The following SQSTM1 variants were observed in gnomAD, a reference collection of about 807,000 sequenced individuals.
SQSTM1 encodes the protein sequestosome 1.
Under a neutral mutation model 45.1 loss-of-function variants are expected in SQSTM1, and 36 were observed. That is an observed-to-expected ratio of 0.80 (90% CI 0.61 to 1.05). The LOEUF is 1.05. Ranked by LOEUF, SQSTM1 falls within the 50% of genes least tolerant of loss-of-function variation. The pLI is 0.00. For missense variants in SQSTM1, 617 were observed against 607.1 expected (o/e 1.02, Z -0.17); for synonymous variants, 290 against 244.3 (o/e 1.19, Z -1.74).
At chr5:179,819,414 G>C (rs528264758), upstream of SQSTM1, among the ~76,000 whole-genome samples, 1 of 149,874 alleles carries the variant, frequency 6.7e-6, no homozygotes, top group South Asian at 2.1e-4. Context: ...AAGCAAAGGA[G>C]CTCCTTCTTG....
intron 5 of SQSTM1, among the ~76,000 whole-genome samples, chr5:179,831,069 TAC>T (rs1474647189): frequency 6.6e-6 from 1 of 152,210 alleles, no homozygotes; most frequent in African/African-American, 2.4e-5. Flanking sequence ...CTTTCTGGTA[TAC>T]AGTCTTAATT....
upstream of SQSTM1, chr5:179,820,393 A>G (rs1029095446): frequency 3.1e-4 from 48 of 152,636 alleles, no homozygotes. Context: ...GCGCTGTAAG[A>G]GGGCTGCCAC....
intron 7 of SQSTM1, among the ~76,000 whole-genome samples, chr5:179,834,945 G>A (rs1341529776): frequency 5.9e-5 from 9 of 152,074 alleles, no homozygotes; most frequent in South Asian, 2.1e-4. Flanking sequence ...GGTGGTGGCC[G>A]GGCAGAGGGG....
In SQSTM1 at chr5:179,837,265, A is replaced by C; in HGVS notation, c.*672A>C. Reference sequence around the variant, plus strand: ...CAGCACTTTAACCAATGACGTTTGCATAGAGAGAAATGATTGACAGTAAGT... The same window carrying C: ...CAGCACTTTAACCAATGACGTTTGCCTAGAGAGAAATGATTGACAGTAAGT... On this transcript the variant is annotated 3_prime_UTR_variant, in exon 8 of 8. Coordinates refer to ENST00000389805, the MANE Select transcript of SQSTM1 (RefSeq NM_003900.5). 6.2e-7 allele frequency: 1 copy of C among 1,605,606 alleles called. No individual in the cohort carries two copies. Among genetic ancestry groups the C allele is most frequent in the Non-Finnish European group, 8.5e-7 (1 of 1,179,120 alleles).
intron 5 of SQSTM1, among the ~76,000 whole-genome samples, chr5:179,828,651 G>A (rs1314430464): frequency 1.3e-5 from 2 of 152,142 alleles, no homozygotes; most frequent in Non-Finnish European, 2.9e-5. Flanking sequence ...TGGGATTACA[G>A]GCGTGAGCCA....
Position 179,806,662 on chromosome 5 carries a change from A to C in SQSTM1, c.-157+71A>C, listed in dbSNP as rs1757174658. 2.9e-6 allele frequency: 2 copies of C among 685,020 alleles called. No individual in the cohort carries two copies. The highest frequency in any genetic ancestry group is 1.3e-4 in the South Asian group (2 of 15,522). 42.4% of individuals were successfully genotyped at this position (685,020 alleles called of 1,614,324 possible). On this transcript the variant is annotated intron_variant, in intron 1 of 5. Coordinates refer to the SQSTM1 transcript ENST00000514093. The surrounding 1 kb of genome is among the most constrained non-coding windows in gnomAD (Gnocchi z 4.6). ...ACCGGGGCCGGGGCGCAGGGGTCGG[A>C]AGGCGGCGGCGGCGGCGGCAGGGGC...
chr5:179,828,994 G>A (rs921518495), intron 5 of SQSTM1, among the ~76,000 whole-genome samples: 2 of 152,126 alleles, frequency 1.3e-5, no homozygotes, highest in Non-Finnish European at 2.9e-5. Context: ...CAGGTACCAG[G>A]AAAGGCAAGA....
At chr5:179,815,212 T>A (rs1445384405), upstream of SQSTM1, among the ~76,000 whole-genome samples, 1 of 150,956 alleles carries the variant, frequency 6.6e-6, no homozygotes, top group Non-Finnish European at 1.5e-5. Flanking sequence ...AGGCCAAGAG[T>A]TCAAGACCAG....
chr5:179,830,238 T>C (rs1452664456), intron 5 of SQSTM1, among the ~76,000 whole-genome samples: 1 of 152,218 alleles, frequency 6.6e-6, no homozygotes, highest in Non-Finnish European at 1.5e-5. Flanking sequence ...AAGCTTATCA[T>C]TGTCAAGTGT....
At chr5:179,834,981 C>T (rs1410859206) in intron 7 of SQSTM1, among the ~76,000 whole-genome samples, 9 of 151,576 alleles carry the variant, frequency 5.9e-5, no homozygotes, top group South Asian at 2.1e-4. Flanking sequence ...TAGGGGCGGC[C>T]GGGCAGAGGC....
chr5:179,815,409 T>A (rs1040863203), upstream of SQSTM1, among the ~76,000 whole-genome samples: 2 of 151,300 alleles, frequency 1.3e-5, no homozygotes, highest in Non-Finnish European at 2.9e-5. Context: ...AGAGCAAGAC[T>A]CTGTCTCGAA....
In SQSTM1 at chr5:179,823,395, C is replaced by T. The variant is rs964312857; in HGVS notation, c.301+342C>T. Among the ~76,000 whole-genome samples the T allele has an allele frequency of 7.4e-4, 87 of 116,928 alleles. 1 individual carries two copies. Among genetic ancestry groups the T allele is most frequent in the African/African-American group, 2.7e-3 (83 of 30,228 alleles). 76.7% of individuals were successfully genotyped at this position (116,928 alleles called of 152,430 possible). A position where few individuals can be genotyped will look rare whatever the true frequency, so the allele number is the denominator to read the frequency against. On this transcript the variant is annotated intron_variant, in intron 2 of 7. Transcript: ENST00000389805. ...ACGAGAATCACTTAAACCTGGAGAG[C>T]GGAGGTTGCCATGAGCCGAAATCAC...
intron 1 of SQSTM1, chr5:179,821,525 GT>G (rs755736109): frequency 2.0e-6 from 1 of 495,598 alleles, no homozygotes; most frequent in South Asian, 1.5e-5. Context: ...GGGCACTCGG[GT>G]TACACTGACA....
rs1452978477 is a variant in SQSTM1 at position 179,821,134 on chromosome 5, C to G, written c.198C>G (p.His66Gln). 7.4e-7 allele frequency: 1 copy of G among 1,355,478 alleles called. No individual in the cohort carries two copies. Among genetic ancestry groups the G allele is most frequent in the South Asian group, 1.8e-5 (1 of 56,350 alleles). The allele number at this position is 1,355,478 out of a possible 1,614,324, so 84.0% of individuals were successfully genotyped here. ...PALRPGGFQA[H>Q]YRDEDGDLVA... ...TGCGGCCTGGCGGCTTCCAGGCGCA[C>G]TACCGCGGTGAGCGGGCCGGGGAGC... The change falls in exon 1 of 8, where the codon CAC becomes CAG. Residue 66 changes from histidine (H) to glutamine (Q), a missense_variant. Coordinates refer to ENST00000389805, the MANE Select transcript of SQSTM1 (RefSeq NM_003900.5).
chr5:179,826,482 T>G (rs1410862463), intron 5 of SQSTM1, among the ~76,000 whole-genome samples: 1 of 152,022 alleles, frequency 6.6e-6, no homozygotes, highest in Non-Finnish European at 1.5e-5. Context: ...CATTCCACTT[T>G]GAGGCGGCAG....
In SQSTM1 at chr5:179,836,851, C is replaced by A. The variant is rs117531194; in HGVS notation, c.*258C>A. On this transcript the variant is annotated 3_prime_UTR_variant, in exon 8 of 8. Coordinates refer to ENST00000389805, the MANE Select transcript of SQSTM1 (RefSeq NM_003900.5). ...CTGCGAGACCCAAGGCTCACTGCAG[C>A]GCGCTCCTGACCCCTCCCTGCAGGG... is the stretch of plus-strand genomic sequence containing the variant. 1 of 639,922 alleles carries A rather than the reference C, an allele frequency of 1.6e-6. No individual in the cohort carries two copies. The highest frequency in any genetic ancestry group is 2.6e-5 in the Admixed American group (1 of 38,788). The allele number at this position is 639,922 out of a possible 1,614,324, so 39.6% of individuals were successfully genotyped here.
At chr5:179,811,730 TATTTATC>T (rs972415871) in intron 2 of SQSTM1, 1 of 152,122 alleles carries the variant, frequency 6.6e-6, no homozygotes, top group Non-Finnish European at 1.5e-5. Context: ...TTTCTAAGCC[TATTTATC>T]TTCGGACTTC....
chr5:179,818,349 C>T (rs767168298), upstream of SQSTM1, among the ~76,000 whole-genome samples: 2 of 152,206 alleles, frequency 1.3e-5, no homozygotes, highest in Non-Finnish European at 2.9e-5. Flanking sequence ...TTGTCAATCT[C>T]CCTAAAGATG....
In SQSTM1 at chr5:179,837,938, A is replaced by C; in HGVS notation, c.*1345A>C. 8 of 1,547,050 alleles carry C rather than the reference A, an allele frequency of 5.2e-6. No individual in the cohort carries two copies. The highest frequency in any genetic ancestry group is 7.0e-6 in the Non-Finnish European group (8 of 1,145,898). ...ATGTGTAAGAACAATGCCAGGGCCCAGGAGGACCGCCTGCCCTGCCTGGGC... is the reference window on the plus strand; with the variant it reads ...ATGTGTAAGAACAATGCCAGGGCCCCGGAGGACCGCCTGCCCTGCCTGGGC... On this transcript the variant is annotated 3_prime_UTR_variant, in exon 8 of 8. Coordinates refer to ENST00000389805, the MANE Select transcript of SQSTM1 (RefSeq NM_003900.5).
Sources: gnomAD v4.1 joint callset for allele counts (sites outside exome capture counted in the v4.1 genomes callset) on GRCh38, gnomAD v4.1.1 for gene constraint, Gnocchi (gnomAD v3.1) non-coding constraint, MANE v1.5 for transcripts, NCBI Gene and HGNC (gene_info 2026-07-23, HGNC 2026-07-21) for gene names.